Variants in TPRN observed in about 807,000 individuals in gnomAD.
TPRN encodes the protein chromosome 9 open reading frame 75.
Under a neutral mutation model 42.6 loss-of-function variants are expected in TPRN, and 32 were observed. The ratio of observed to expected loss-of-function variants is 0.75; its 90% CI spans 0.57 to 1.01. TPRN has a LOEUF of 1.01. Ranked by LOEUF, TPRN falls within the 50% of genes least tolerant of loss-of-function variation. The pLI, the probability that TPRN is intolerant of heterozygous loss-of-function variation, is 0.00. For synonymous variants in TPRN, 541 were observed against 445.6 expected (o/e 1.21, Z -2.70); for missense variants, 1,095 against 957.5 (o/e 1.14, Z -1.90).
chr9:137,200,496 C>T lies in TPRN; in HGVS notation c.216G>A (p.Gly72=). Residue 72 remains glycine (G), a synonymous_variant, in exon 1 of 4, where the codon GGG becomes GGA. Transcript: ENST00000409012. This position sits in a 1 kb window ranked among gnomAD's most constrained non-coding sequence, Gnocchi z 4.3. ...MLLEAERRRG[G]GAAGARLLER... ...CCAGCAGCCGCGCCCCCGCCGCGCCCCCGCCGCGCCGCCGCTCGGCCTCCA... is the reference window on the plus strand; with the variant it reads ...CCAGCAGCCGCGCCCCCGCCGCGCCTCCGCCGCGCCGCCGCTCGGCCTCCA... 1 of 1,145,344 alleles carries T rather than the reference C, an allele frequency of 8.7e-7. No homozygotes were observed. The highest frequency in any genetic ancestry group is 2.8e-5 in the South Asian group (1 of 35,962). The allele number at this position is 1,145,344 out of a possible 1,614,324, so 70.9% of individuals were successfully genotyped here. A position where few individuals can be genotyped will look rare whatever the true frequency, so the allele number is the denominator to read the frequency against.
chr9:137,192,345 T>C lies in TPRN; in HGVS notation c.1987A>G (p.Lys663Glu), dbSNP rs1233289165. 6.2e-7 allele frequency: 1 copy of C among 1,613,014 alleles called. No homozygotes were observed. ...CACTTGCTGAAGGCCACAGAGTGCT[T>C]CGGGGTGTAGCTGGACAGGCCTGTG... ...GSSGLSSYTP[K>E]HSVAFSKWQE... Residue 663 changes from lysine to glutamate, a missense_variant, in exon 3 of 4, where the codon AAG becomes GAG. By Grantham distance (56) the Lys-to-Glu change is moderately conservative. Coordinates refer to ENST00000409012, the MANE Select transcript of TPRN (RefSeq NM_001128228.3).
chr9:137,192,513 G>A lies in TPRN; in HGVS notation c.1904C>T (p.Pro635Leu). Residue 635 changes from proline to leucine, a missense_variant, in exon 2 of 4, where the codon CCC becomes CTC. Transcript: ENST00000409012. ...SEEKPFALFL[P>L]RATFVSSVRP... ...CACGCTGCTCACAAACGTGGCCCGGGGCAGGAAGAGTGCAAAGGGCTTCTC... is the reference window on the plus strand; with the variant it reads ...CACGCTGCTCACAAACGTGGCCCGGAGCAGGAAGAGTGCAAAGGGCTTCTC... The A allele has an allele frequency of 1.9e-6, 3 of 1,606,496 alleles. No individual in the cohort carries two copies. Among genetic ancestry groups the A allele is most frequent in the Non-Finnish European group, 2.5e-6 (3 of 1,176,798 alleles).
chr9:137,193,095 G>A, intron 1 of TPRN: 1 of 237,792 alleles, frequency 4.2e-6, no homozygotes, highest in South Asian at 6.1e-5. Flanking sequence ...AGCAGGAACA[G>A]GGTGGAAAAG....
At chr9:137,193,902 T>A (rs888672733) in intron 1 of TPRN, 7 of 152,296 alleles carry the variant, frequency 4.6e-5, no homozygotes, top group Non-Finnish European at 1.0e-4. Context: ...GGGCACACAC[T>A]CTTGCCATCA....
intron 1 of TPRN, 26 bp downstream of exon 1, chr9:137,198,961 C>T (rs1486138237): frequency 1.2e-6 from 2 of 1,612,158 alleles, no homozygotes; most frequent in South Asian, 1.1e-5. Flanking sequence ...TCCCTGCCAG[C>T]CAGTGGCCCT....
At position 137,200,435 on chromosome 9, in the gene TPRN, G is replaced by T; in HGVS notation, c.277C>A (p.Arg93Ser). 3.6e-6 allele frequency: 4 copies of T among 1,121,446 alleles called. No individual in the cohort carries two copies. The highest frequency in any genetic ancestry group is 4.4e-6 in the Non-Finnish European group (4 of 914,926). 69.5% of individuals were successfully genotyped at this position (1,121,446 alleles called of 1,614,324 possible). A position where few individuals can be genotyped will look rare whatever the true frequency, so the allele number is the denominator to read the frequency against. ...YRRVPGVRALRADSVLIIETV... is the reference protein window; with the variant it reads ...YRRVPGVRALSADSVLIIETV... ...TCGATGATGAGGACGCTGTCGGCGC[G>T]GAGGGCGCGCACGCCAGGCACGCGG... Residue 93 changes from arginine (R) to serine (S), a missense_variant, in exon 1 of 4, where the codon CGC becomes AGC. Coordinates refer to ENST00000409012, the MANE Select transcript of TPRN (RefSeq NM_001128228.3). The surrounding 1 kb of genome is among the most constrained non-coding windows in gnomAD (Gnocchi z 4.3).
rs768682589 is a variant in TPRN at position 137,199,359 on chromosome 9, C to T, written c.1353G>A (p.Pro451=). 6 of 1,612,764 alleles carry T rather than the reference C, an allele frequency of 3.7e-6. No homozygotes were observed. The East Asian group carries it at 6.7e-5, about 18-fold the overall frequency. The part of the protein sequence containing the change: ...LAKNSREYVR[P]GLPVTFIDEV... ...CATCGATGAAGGTGACAGGCAGCCC[C>T]GGCCTCACATATTCCCGGCTATTCT... The change falls in exon 1 of 4, where the codon CCG becomes CCA. Residue 451 remains proline, a synonymous_variant. Coordinates refer to ENST00000409012, the MANE Select transcript of TPRN (RefSeq NM_001128228.3).
At chr9:137,193,779 C>G (rs1307646168) in intron 1 of TPRN, 1 of 152,536 alleles carries the variant, frequency 6.6e-6, no homozygotes, top group Non-Finnish European at 1.5e-5. Flanking sequence ...CTAGAAGGAC[C>G]CGGAGGCAGG....
chr9:137,192,598 C>T lies in TPRN; in HGVS notation c.1819G>A (p.Glu607Lys), dbSNP rs754397078. Residue 607 changes from glutamate to lysine, a missense_variant, in exon 2 of 4, where the codon GAG becomes AAG. Glu to Lys is a moderately conservative substitution (Grantham distance 56, BLOSUM62 1). Coordinates refer to ENST00000409012, the MANE Select transcript of TPRN (RefSeq NM_001128228.3). ...TCCTCCTCCTCCTCCTCCTCCTCCT[C>T]CTGCTGGTCCACCTCTTCCTCCTGC... Reference protein sequence around the residue: ...LEQEEEVDQQEEEEEEEEEEE... With the variant: ...LEQEEEVDQQKEEEEEEEEEE... 2.5e-6 allele frequency: 4 copies of T among 1,613,074 alleles called. No individual in the cohort carries two copies. In the African/African-American group the frequency reaches 4.0e-5, roughly 16 times the overall value.
chr9:137,200,504 G>T lies in TPRN; in HGVS notation c.208C>A (p.Arg70Ser). Reference sequence around the variant, plus strand: ...CGCGCCCCCGCCGCGCCCCCGCCGCGCCGCCGCTCGGCCTCCAGCAGCATG... The same window carrying T: ...CGCGCCCCCGCCGCGCCCCCGCCGCTCCGCCGCTCGGCCTCCAGCAGCATG... Reference protein sequence around the residue: ...PFMLLEAERRRGGGAAGARLL... With the variant: ...PFMLLEAERRSGGGAAGARLL... Residue 70 changes from arginine to serine, a missense_variant, in exon 1 of 4, where the codon CGC becomes AGC. Arg to Ser is a moderately radical substitution (Grantham distance 110). Transcript: ENST00000409012. The surrounding 1 kb of genome is among the most constrained non-coding windows in gnomAD (Gnocchi z 4.3). The T allele has an allele frequency of 8.7e-7, 1 of 1,152,482 alleles. No individual in the cohort carries two copies. The highest frequency in any genetic ancestry group is 1.1e-6 in the Non-Finnish European group (1 of 934,816). 71.4% of individuals were successfully genotyped at this position (1,152,482 alleles called of 1,614,324 possible). A position where few individuals can be genotyped will look rare whatever the true frequency, so the allele number is the denominator to read the frequency against.
intron 1 of TPRN, among the ~76,000 whole-genome samples, chr9:137,198,687 C>T (rs796260259): frequency 2.6e-5 from 4 of 152,370 alleles, no homozygotes; most frequent in African/African-American, 9.6e-5. Context: ...ACAGACCCGC[C>T]CAGCTAATTC....
chr9:137,199,768 A>AG lies in TPRN; in HGVS notation c.943dup (p.Leu315ProfsTer32), dbSNP rs765756665. Reference sequence around the variant, plus strand: ...GAGGCTGGCCAGCGCCCGGGCCTGGAGGTCCCCCAAGGGGATGGTCTCCAT... The same window carrying AG: ...GAGGCTGGCCAGCGCCCGGGCCTGGAGGGTCCCCCAAGGGGATGGTCTCCAT... On this transcript the variant is annotated frameshift_variant, in exon 1 of 4. Transcript: ENST00000409012. LOFTEE classifies it high-confidence loss of function. 100 of 1,610,518 alleles carry AG rather than the reference A, an allele frequency of 6.2e-5. No individual in the cohort carries two copies. The highest frequency in any genetic ancestry group is 8.0e-5 in the Non-Finnish European group (94 of 1,179,116).
In TPRN at chr9:137,200,405, C is replaced by A; in HGVS notation, c.307G>T (p.Val103Leu). The A allele has an allele frequency of 8.9e-7, 1 of 1,118,746 alleles. No homozygotes were observed. 69.3% of individuals were successfully genotyped at this position (1,118,746 alleles called of 1,614,324 possible). The change falls in exon 1 of 4, where the codon GTG (valine) becomes TTG (leucine). Residue 103 changes from valine to leucine, a missense_variant. Transcript: ENST00000409012. The surrounding 1 kb of genome is among the most constrained non-coding windows in gnomAD (Gnocchi z 4.3). Reference sequence around the variant, plus strand: ...GGCGGCGCGGGCGGGAAGCCGGGCACCGTCTCGATGATGAGGACGCTGTCG... The same window carrying A: ...GGCGGCGCGGGCGGGAAGCCGGGCAACGTCTCGATGATGAGGACGCTGTCG... ...RADSVLIIET[V>L]PGFPPAPPAP...
chr9:137,192,547 C>G lies in TPRN; in HGVS notation c.1870G>C (p.Gly624Arg). The G allele has an allele frequency of 6.2e-7, 1 of 1,609,616 alleles. No individual in the cohort carries two copies. The highest frequency in any genetic ancestry group is 8.5e-7 in the Non-Finnish European group (1 of 1,178,104). ...EEEEEEEEGS[G>R]SEEKPFALFL... The stretch of plus-strand genomic sequence containing the variant: ...AGTGCAAAGGGCTTCTCCTCTGAGC[C>G]GGATCCCTCTTCCTCCTCTTCCTCT... Residue 624 changes from glycine to arginine, a missense_variant, in exon 2 of 4, where the codon GGC becomes CGC. Coordinates refer to ENST00000409012, the MANE Select transcript of TPRN (RefSeq NM_001128228.3).
At chr9:137,196,031 G>A (rs55850694) in intron 1 of TPRN, among the ~76,000 whole-genome samples, 239 of 152,286 alleles carry the variant, frequency 1.6e-3, no homozygotes, top group Non-Finnish European at 2.7e-3. Flanking sequence ...CCCAGAGCAG[G>A]GCTGCACCCC....
intron 1 of TPRN, among the ~76,000 whole-genome samples, chr9:137,198,154 C>T (rs1588775066): frequency 6.6e-6 from 1 of 152,218 alleles, no homozygotes; most frequent in East Asian, 1.9e-4. Flanking sequence ...GGCGCCCCCC[C>T]TCAGTCCCCA....
At chr9:137,194,941 C>T (rs1370937304) in intron 1 of TPRN, 4 of 152,422 alleles carry the variant, frequency 2.6e-5, no homozygotes, top group African/African-American at 9.6e-5. Context: ...GCAGGTGGGT[C>T]CCAGCTCAGC....
chr9:137,192,892 A>C, intron 1 of TPRN: 1 of 606,660 alleles, frequency 1.6e-6, no homozygotes, highest in Non-Finnish European at 2.9e-6. Flanking sequence ...CTGGGGGTCA[A>C]CCTCCCCTCC....
chr9:137,192,550 A>G lies in TPRN; in HGVS notation c.1867T>C (p.Ser623Pro), dbSNP rs777291437. ...GCAAAGGGCTTCTCCTCTGAGCCGGATCCCTCTTCCTCCTCTTCCTCTTCC... is the reference window on the plus strand; with the variant it reads ...GCAAAGGGCTTCTCCTCTGAGCCGGGTCCCTCTTCCTCCTCTTCCTCTTCC... ...EEEEEEEEEG[S>P]GSEEKPFALF... The change falls in exon 2 of 4, where the codon TCC becomes CCC. Residue 623 changes from serine (S) to proline (P), a missense_variant. Ser to Pro is a moderately conservative substitution (Grantham distance 74, BLOSUM62 -1). Coordinates refer to ENST00000409012, the MANE Select transcript of TPRN (RefSeq NM_001128228.3). 8 of 1,609,558 alleles carry G rather than the reference A, an allele frequency of 5.0e-6. No individual in the cohort carries two copies. The highest frequency in any genetic ancestry group is 6.8e-6 in the Non-Finnish European group (8 of 1,178,168).
Sources: allele counts gnomAD v4.1 joint callset (sites outside exome capture counted in the v4.1 genomes callset), GRCh38; gene constraint gnomAD v4.1.1; non-coding constraint Gnocchi (gnomAD v3.1); transcripts MANE v1.5; gene names NCBI Gene and HGNC (gene_info 2026-07-23, HGNC 2026-07-21).